GLIS1: variants seen among roughly 807,000 people sequenced by gnomAD.
GLIS1 encodes the protein zinc finger protein GLIS1.
In GLIS1, 24 loss-of-function variants were observed where a neutral mutation model predicts 63.8. The observed-to-expected ratio is 0.38, with a 90% CI of 0.27 to 0.53. The LOEUF is 0.53. Among genes scored for constraint, GLIS1 ranks in the 20% least tolerant of loss-of-function variants. The pLI is 0.85. For synonymous variants in GLIS1, 450 were observed against 482.5 expected (o/e 0.93, Z 0.88); for missense variants, 1,036 against 1,074.1 (o/e 0.96, Z 0.50).
chr1:53,518,132 A>G (rs1644370904), intron 7 of GLIS1, among the ~76,000 whole-genome samples: 1 of 152,150 alleles, frequency 6.6e-6, no homozygotes, highest in African/African-American at 2.4e-5. Flanking sequence ...ATCCTAGGGG[A>G]TCCAGGACCC....
chr1:53,558,136 G>A (rs1417949829), intron 4 of GLIS1, among the ~76,000 whole-genome samples: 2 of 152,194 alleles, frequency 1.3e-5, no homozygotes, highest in African/African-American at 4.8e-5. Flanking sequence ...CACACGCAAC[G>A]TGCAAACAAT....
intron 8 of GLIS1, 102 bp downstream of exon 8, chr1:53,514,523 T>C: frequency 8.5e-7 from 1 of 1,178,268 alleles, no homozygotes; most frequent in Non-Finnish European, 1.2e-6. Flanking sequence ...ATTTTCATTA[T>C]CAGTAACAAG....
chr1:53,694,061 G>A (rs1012913352), intron 2 of GLIS1, among the ~76,000 whole-genome samples: 4 of 152,354 alleles, frequency 2.6e-5, no homozygotes, highest in Admixed American at 2.0e-4. Context: ...GGGGAGACAG[G>A]CAACAGGCGG....
intron 2 of GLIS1, among the ~76,000 whole-genome samples, chr1:53,637,303 T>C (rs945371422): frequency 1.3e-5 from 2 of 152,070 alleles, no homozygotes; most frequent in African/African-American, 4.8e-5. Flanking sequence ...AACTGAGGAA[T>C]AAATGACAAG....
At position 53,594,980 on chromosome 1, in the gene GLIS1, G is replaced by T. The variant is rs1645240639; in HGVS notation, c.448C>A (p.Pro150Thr). The T allele has an allele frequency of 2.8e-6, 4 of 1,433,444 alleles. No homozygotes were observed. The highest frequency in any genetic ancestry group is 3.6e-6 in the Non-Finnish European group (4 of 1,099,178). 88.8% of individuals were successfully genotyped at this position (1,433,444 alleles called of 1,614,324 possible). ...HFPHPDRSPR[P>T]QATYVNGSLP... ...CTGCCGTTCACATACGTGGCCTGGG[G>T]TCTAGGTGACCTGGAAGACAGTGCC... The change falls in exon 4 of 11, where the codon CCC (proline) becomes ACC (threonine). Residue 150 changes from proline (P) to threonine (T), a missense_variant. Transcript: ENST00000628545.
intron 2 of GLIS1, among the ~76,000 whole-genome samples, chr1:53,614,671 A>G (rs1553129424): frequency 6.6e-6 from 1 of 152,192 alleles, no homozygotes; most frequent in Non-Finnish European, 1.5e-5. Flanking sequence ...CTTTGGGATT[A>G]GGGGTGTTAA....
chr1:53,645,081 C>G (rs1401343849), intron 2 of GLIS1, among the ~76,000 whole-genome samples: 1 of 152,238 alleles, frequency 6.6e-6, no homozygotes, highest in African/African-American at 2.4e-5. Context: ...ACGCCAGCCA[C>G]ACCGGCCTCC....
At chr1:53,551,999 A>G (rs1029080971) in intron 4 of GLIS1, among the ~76,000 whole-genome samples, 1 of 151,904 alleles carries the variant, frequency 6.6e-6, no homozygotes. Context: ...ACACTCCCCA[A>G]TCACACCCCC....
At chr1:53,678,357 C>A (rs1048343134) in intron 2 of GLIS1, among the ~76,000 whole-genome samples, 2 of 91,130 alleles carry the variant, frequency 2.2e-5, no homozygotes, top group Admixed American at 2.3e-4. Context: ...CAGGGGGGAG[C>A]GGGGTCACTG....
At chr1:53,648,514 C>G (rs1645871580) in intron 2 of GLIS1, among the ~76,000 whole-genome samples, 1 of 152,096 alleles carries the variant, frequency 6.6e-6, no homozygotes, top group Non-Finnish European at 1.5e-5. Flanking sequence ...CATATATACC[C>G]AATAGAAGTA....
At chr1:53,683,651 G>A (rs1475227799) in intron 2 of GLIS1, among the ~76,000 whole-genome samples, 4 of 152,130 alleles carry the variant, frequency 2.6e-5, no homozygotes, top group African/African-American at 9.7e-5. Flanking sequence ...AGCCCTAGCA[G>A]AAGACCTGGC....
rs1241383667 is a variant in GLIS1 at position 53,539,247 on chromosome 1, C to T, written c.1321-9295G>A. Among the ~76,000 whole-genome samples, 1 of 107,498 alleles carries T rather than the reference C, an allele frequency of 9.3e-6. No individual in the cohort carries two copies. The highest frequency in any genetic ancestry group is 2.2e-5 in the Non-Finnish European group (1 of 45,020). The allele number at this position is 107,498 out of a possible 152,430, so 70.5% of individuals were successfully genotyped here. A position where few individuals can be genotyped will look rare whatever the true frequency, so the allele number is the denominator to read the frequency against. On this transcript the variant is annotated intron_variant, in intron 4 of 10. Transcript: ENST00000628545. The surrounding 1 kb of genome is among the most constrained non-coding windows in gnomAD (Gnocchi z 5.0). Reference sequence around the variant, plus strand: ...ACACCAACACACACACATGGATTCACACACACACACACACCAAGACCCAGA... The same window carrying T: ...ACACCAACACACACACATGGATTCATACACACACACACACCAAGACCCAGA...
rs111916010 is a variant in GLIS1 at position 53,731,439 on chromosome 1, T to G, written c.259+6367A>C. ...TCCTGCTGCCTTCCTTTGGGCTTCCTTGGGGGCGCGCAGCTCTCTAGAGCC... is the reference window on the plus strand; with the variant it reads ...TCCTGCTGCCTTCCTTTGGGCTTCCGTGGGGGCGCGCAGCTCTCTAGAGCC... On this transcript the variant is annotated intron_variant, in intron 2 of 10. Coordinates refer to ENST00000628545, the MANE Select transcript of GLIS1 (RefSeq NM_001367484.1). Among the ~76,000 whole-genome samples, 1,109 of 152,314 alleles carry G rather than the reference T, an allele frequency of 7.3e-3. 20 individuals are homozygous for G. The highest frequency in any genetic ancestry group is 0.024 in the African/African-American group (1,002 of 41,572).
chr1:53,556,937 GTA>G (rs1464204906), intron 4 of GLIS1, among the ~76,000 whole-genome samples: 1 of 147,870 alleles, frequency 6.8e-6, no homozygotes, highest in Admixed American at 6.7e-5. Context: ...TGTACTGCAG[GTA>G]TGTGTGTGTG....
In GLIS1 at chr1:53,687,069, G is replaced by C. The variant is rs563343522; in HGVS notation, c.259+50737C>G. ...AGAGAGGCCAAGTAACTTCGACGAG[G>C]TCACACAGCCTCCGAGGGGCAGAGC... On this transcript the variant is annotated intron_variant, in intron 2 of 10. Transcript: ENST00000628545. Among the ~76,000 whole-genome samples the C allele has an allele frequency of 9.2e-5, 14 of 152,356 alleles. No individual in the cohort carries two copies. In the East Asian group the frequency reaches 1.7e-3, roughly 19 times the overall value.
At chr1:53,640,935 G>A (rs1645780832) in intron 2 of GLIS1, among the ~76,000 whole-genome samples, 1 of 152,118 alleles carries the variant, frequency 6.6e-6, no homozygotes, top group South Asian at 2.1e-4. Context: ...GGGAAAGGAA[G>A]AGCTGAAGGC....
chr1:53,506,602 C>G lies in GLIS1; in HGVS notation c.*17G>C, dbSNP rs769982339. 1.9e-6 allele frequency: 3 copies of G among 1,611,978 alleles called. No homozygotes were observed. The South Asian group carries it at 3.3e-5, about 18-fold the overall frequency. On this transcript the variant is annotated 3_prime_UTR_variant, in exon 11 of 11. Coordinates refer to ENST00000628545, the MANE Select transcript of GLIS1 (RefSeq NM_001367484.1). Reference sequence around the variant, plus strand: ...GCATCTGCAGTGCTGGATGGGCAGGCGCATGTGGGGGCTCCTTCAGGTGTC... The same window carrying G: ...GCATCTGCAGTGCTGGATGGGCAGGGGCATGTGGGGGCTCCTTCAGGTGTC...
At chr1:53,590,998 G>A (rs975286572) in intron 4 of GLIS1, among the ~76,000 whole-genome samples, 3 of 152,118 alleles carry the variant, frequency 2.0e-5, no homozygotes, top group African/African-American at 7.2e-5. Flanking sequence ...GGATGGGGGA[G>A]GCTTACCTCA....
chr1:53,712,953 C>T (rs150541598), intron 2 of GLIS1, among the ~76,000 whole-genome samples: 1 of 152,010 alleles, frequency 6.6e-6, no homozygotes, highest in Non-Finnish European at 1.5e-5. Flanking sequence ...GAAGAAAAAA[C>T]ACAGGTAAAA....
Sources: allele counts gnomAD v4.1 joint callset (sites outside exome capture counted in the v4.1 genomes callset), GRCh38; gene constraint gnomAD v4.1.1; non-coding constraint Gnocchi (gnomAD v3.1); transcripts MANE v1.5; gene names NCBI Gene and HGNC (gene_info 2026-07-23, HGNC 2026-07-21).